IREB2: variants seen among roughly 807,000 people sequenced by gnomAD.
IREB2 encodes the protein iron responsive element binding protein 2, also known as iron-responsive element-binding protein 2.
IREB2 carries 39 observed loss-of-function variants against 118.8 expected under a neutral mutation model. The ratio of observed to expected loss-of-function variants is 0.33; its 90% CI spans 0.25 to 0.43. The LOEUF is 0.43. IREB2 is among the 20% of genes least tolerant of loss of function. IREB2 has a pLI of 1.00. For synonymous variants in IREB2, 372 were observed against 392.2 expected (o/e 0.95, Z 0.61); for missense variants, 900 against 1,147.3 (o/e 0.78, Z 3.11).
intron 21 of IREB2, 86 bp downstream of exon 21, chr15:78,497,397 C>A: frequency 2.1e-6 from 2 of 944,298 alleles, no homozygotes; most frequent in South Asian, 3.1e-5. Flanking sequence ...AAATTATATA[C>A]TAATGTCACT....
Position 78,488,641 on chromosome 15 carries a change from A to G in IREB2, c.1952-6A>G. ...ACTGAGTATCATGTTCAAAAATTTT[A>G]ACCAGGTACTGACCCCACCGGCAAG... On this transcript the variant is annotated splice_polypyrimidine_tract_variant and splice_region_variant and intron_variant, in intron 15 of 21. Coordinates refer to ENST00000258886, the MANE Select transcript of IREB2 (RefSeq NM_004136.4). The G allele has an allele frequency of 6.3e-7, 1 of 1,588,308 alleles. No homozygotes were observed. The highest frequency in any genetic ancestry group is 8.5e-7 in the Non-Finnish European group (1 of 1,173,112).
chr15:78,462,010 G>A (rs1411787525), intron 2 of IREB2, among the ~76,000 whole-genome samples: 3 of 152,040 alleles, frequency 2.0e-5, no homozygotes, highest in African/African-American at 7.2e-5. Flanking sequence ...GTTAAAATAT[G>A]CATGCTAATA....
intron 5 of IREB2, among the ~76,000 whole-genome samples, chr15:78,469,695 G>A (rs1252995420): frequency 6.6e-6 from 1 of 151,932 alleles, no homozygotes; most frequent in Non-Finnish European, 1.5e-5. Context: ...TTGCACTCCA[G>A]CCTGGGCAAC....
At chr15:78,485,100 C>A (rs547594243) in intron 12 of IREB2, among the ~76,000 whole-genome samples, 180 bp downstream of exon 12, 1 of 152,050 alleles carries the variant, frequency 6.6e-6, no homozygotes, top group Admixed American at 6.6e-5. Flanking sequence ...TTTATTACAC[C>A]GAAGGTAAAT....
chr15:78,445,576 C>T (rs1039168476), intron 2 of IREB2, among the ~76,000 whole-genome samples: 6 of 152,236 alleles, frequency 3.9e-5, no homozygotes, highest in African/African-American at 1.4e-4. Flanking sequence ...AAGCCAGAGG[C>T]AGTGTTCTGT....
chr15:78,466,675 G>A (rs1375674073), intron 5 of IREB2, among the ~76,000 whole-genome samples, 186 bp downstream of exon 5: 3 of 151,968 alleles, frequency 2.0e-5, no homozygotes, highest in Non-Finnish European at 2.9e-5. Flanking sequence ...TGATCTCTAA[G>A]TACCATTCTC....
chr15:78,473,474 C>T, intron 8 of IREB2, 93 bp downstream of exon 8: 1 of 978,796 alleles, frequency 1.0e-6, no homozygotes, highest in Non-Finnish European at 1.6e-6. Flanking sequence ...GGGTTCATTA[C>T]TGCATCCTCA....
At chr15:78,453,495 C>G (rs2051057627) in intron 2 of IREB2, among the ~76,000 whole-genome samples, 1 of 151,702 alleles carries the variant, frequency 6.6e-6, no homozygotes, top group Non-Finnish European at 1.5e-5. Flanking sequence ...TGGGAAGAAA[C>G]CAGTTGAATT....
intron 8 of IREB2, chr15:78,474,071 T>C (rs1026841224): frequency 6.6e-6 from 1 of 152,236 alleles, no homozygotes; most frequent in African/African-American, 2.4e-5. Flanking sequence ...ATACATACAC[T>C]GAGCTTGTTA....
intron 6 of IREB2, among the ~76,000 whole-genome samples, chr15:78,471,474 A>G (rs1474442254): frequency 6.6e-6 from 1 of 152,216 alleles, no homozygotes; most frequent in Non-Finnish European, 1.5e-5. Context: ...CTTCCTTCTC[A>G]TTCCTGAGAA....
At chr15:78,472,095 T>G (rs1276193967) in intron 7 of IREB2, among the ~76,000 whole-genome samples, 171 bp downstream of exon 7, 5 of 152,226 alleles carry the variant, frequency 3.3e-5, no homozygotes, top group African/African-American at 1.2e-4. Context: ...ATCAGTGTTG[T>G]AAAAGAGGAT....
chr15:78,449,657 G>A (rs2050990354), intron 2 of IREB2, among the ~76,000 whole-genome samples: 1 of 152,196 alleles, frequency 6.6e-6, no homozygotes, highest in African/African-American at 2.4e-5. Flanking sequence ...ATGAAACAGA[G>A]TTTGTGACCT....
At chr15:78,445,901 C>G (rs2050921097) in intron 2 of IREB2, among the ~76,000 whole-genome samples, 1 of 152,184 alleles carries the variant, frequency 6.6e-6, no homozygotes, top group Non-Finnish European at 1.5e-5. Context: ...CCTCTTTCCT[C>G]AGTCTCCCAA....
intron 2 of IREB2, among the ~76,000 whole-genome samples, chr15:78,461,723 T>C (rs1053724246): frequency 2.0e-5 from 3 of 152,082 alleles, no homozygotes; most frequent in Non-Finnish European, 4.4e-5. Flanking sequence ...TCCTGTGAAA[T>C]AACAAAAAAA....
At chr15:78,458,332 T>C (rs1178496478) in intron 2 of IREB2, among the ~76,000 whole-genome samples, 1 of 152,198 alleles carries the variant, frequency 6.6e-6, no homozygotes, top group Non-Finnish European at 1.5e-5. Context: ...TCAATTGTAA[T>C]AAATATACAG....
At chr15:78,490,576 A>T (rs748555870) in intron 17 of IREB2, 43 bp from the exon 18 acceptor site, 5 of 1,607,978 alleles carry the variant, frequency 3.1e-6, no homozygotes, top group Non-Finnish European at 4.2e-6. Context: ...ATAAACTAAG[A>T]AGTCTTGTAA....
intron 2 of IREB2, among the ~76,000 whole-genome samples, chr15:78,461,860 G>A (rs1366984759): frequency 6.6e-6 from 1 of 152,118 alleles, no homozygotes; most frequent in Non-Finnish European, 1.5e-5. Context: ...CTGAATAGCA[G>A]CACTAATGAC....
intron 12 of IREB2, 60 bp downstream of exon 12, chr15:78,484,980 T>C: frequency 6.7e-7 from 1 of 1,483,276 alleles, no homozygotes; most frequent in Admixed American, 1.9e-5. Context: ...GGCTTTTCTG[T>C]TATTGTAACT....
intron 2 of IREB2, among the ~76,000 whole-genome samples, chr15:78,454,263 A>G (rs2051070665): frequency 6.6e-6 from 1 of 152,368 alleles, no homozygotes; most frequent in Middle Eastern, 3.4e-3. Flanking sequence ...TTCATAGCCG[A>G]AAATTGAAAC....
Sources: gnomAD v4.1 joint callset for allele counts (sites outside exome capture counted in the v4.1 genomes callset) on GRCh38, gnomAD v4.1.1 for gene constraint, MANE v1.5 for transcripts, NCBI Gene and HGNC (gene_info 2026-07-23, HGNC 2026-07-21) for gene names.